The following LSM8 variants were observed in gnomAD, a reference collection of about 807,000 sequenced individuals.
LSM8 encodes the protein LSM8 U6 small nuclear RNA associated.
In LSM8, 14 loss-of-function variants were observed where a neutral mutation model predicts 15.0. The ratio of observed to expected loss-of-function variants is 0.93; its 90% confidence interval spans 0.62 to 1.46. The LOEUF is 1.46. LSM8 is among the 40% of genes most tolerant of loss of function. The pLI is 0.00. For missense variants in LSM8, 90 were observed against 115.4 expected, an observed-to-expected ratio of 0.78 and a Z score of 1.01; for synonymous variants, 50 against 42.1, an observed-to-expected ratio of 1.19 and a Z score of -0.73.
chr7:118,184,305 G>GCGGTCGGGGACCC, intron 1 of LSM8, 51 bp downstream of exon 1: 1 of 1,446,282 alleles, frequency 6.9e-7, no homozygotes, highest in Non-Finnish European at 9.2e-7. Flanking sequence ...CGGAGAGGCC[G>GCGGTCGGGGACCC]CGGTCGGGGA....
rs1227662091 is a variant in LSM8 at position 118,200,080 on chromosome 7, G to A, written c.*8078G>A. Among the ~76,000 whole-genome samples the A allele has an allele frequency of 6.6e-6, 1 of 152,126 alleles. No homozygotes were observed. The highest frequency in any genetic ancestry group is 1.5e-5 in the Non-Finnish European group (1 of 68,008). On this transcript the variant is annotated 3_prime_UTR_variant, in exon 4 of 4. Coordinates refer to ENST00000249299, the MANE Select transcript of LSM8 (RefSeq NM_016200.5). The stretch of plus-strand genomic sequence containing the variant: ...GAAATGCCTTCCCTAAGTGCCAACA[G>A]AGAATGAAAATATAGTCAATAGCTT...
chr7:118,195,584 T>G lies in LSM8; in HGVS notation c.*3582T>G, dbSNP rs1261012106. On this transcript the variant is annotated 3_prime_UTR_variant, in exon 4 of 4. Transcript: ENST00000249299. The stretch of plus-strand genomic sequence containing the variant: ...CAGTATTAAGAAATGTACAATAAAA[T>G]TTGTTTCTATGTCAGCGAATATTCT... 6.6e-6 allele frequency among the ~76,000 whole-genome samples: 1 copy of G among 152,174 alleles called. No homozygotes were observed.
chr7:118,188,744 T>A (rs190135879), intron 3 of LSM8: 1 of 159,094 alleles, frequency 6.3e-6, no homozygotes, highest in African/African-American at 2.4e-5. Context: ...TCTTAAAACG[T>A]TCTTTCAAAT....
In LSM8 at chr7:118,191,963, G is replaced by A; in HGVS notation, c.252G>A (p.Gly84=). ...AAACAGATTCTGCGCTTGATTTGGGGAATATTCGAGCAGAACCTTTAAATT... is the reference window on the plus strand; with the variant it reads ...AAACAGATTCTGCGCTTGATTTGGGAAATATTCGAGCAGAACCTTTAAATT... The part of the protein sequence containing the change: ...DEETDSALDL[G]NIRAEPLNSV... Residue 84 remains glycine (G), a synonymous_variant, in exon 4 of 4, where the codon GGG becomes GGA. Transcript: ENST00000249299. 6.2e-7 allele frequency: 1 copy of A among 1,613,012 alleles called. No individual in the cohort carries two copies. The highest frequency in any genetic ancestry group is 8.5e-7 in the Non-Finnish European group (1 of 1,179,426).
In LSM8 at chr7:118,198,303, G is replaced by C. The variant is rs1291477532; in HGVS notation, c.*6301G>C. Reference sequence around the variant, plus strand: ...TGAGAATATGCCAGAGATCTGAAATGAAGAATGGATAAGAGCTTGCATATT... The same window carrying C: ...TGAGAATATGCCAGAGATCTGAAATCAAGAATGGATAAGAGCTTGCATATT... On this transcript the variant is annotated 3_prime_UTR_variant, in exon 4 of 4. Coordinates refer to ENST00000249299, the MANE Select transcript of LSM8 (RefSeq NM_016200.5). Among the ~76,000 whole-genome samples the C allele has an allele frequency of 6.6e-6, 1 of 152,142 alleles. No individual in the cohort carries two copies. Among genetic ancestry groups the C allele is most frequent in the Non-Finnish European group, 1.5e-5 (1 of 68,028 alleles).
chr7:118,194,476 A>C lies in LSM8; in HGVS notation c.*2474A>C, dbSNP rs1326776035. On this transcript the variant is annotated 3_prime_UTR_variant, in exon 4 of 4. Coordinates refer to ENST00000249299, the MANE Select transcript of LSM8 (RefSeq NM_016200.5). ...CTCACATGCTGACAGTTTTGGCTAAATATTACAAATCTTGATCCCAGAAGA... is the reference window on the plus strand; with the variant it reads ...CTCACATGCTGACAGTTTTGGCTAACTATTACAAATCTTGATCCCAGAAGA... Among the ~76,000 whole-genome samples the C allele has an allele frequency of 6.6e-6, 1 of 152,156 alleles. No individual in the cohort carries two copies. Among genetic ancestry groups the C allele is most frequent in the African/African-American group, 2.4e-5 (1 of 41,442 alleles).
chr7:118,202,182 G>C lies in LSM8; in HGVS notation c.*10180G>C, dbSNP rs1352567301. Among the ~76,000 whole-genome samples, 2 of 152,008 alleles carry C rather than the reference G, an allele frequency of 1.3e-5. No homozygotes were observed. The highest frequency in any genetic ancestry group is 3.8e-4 in the East Asian group (2 of 5,200). ...TTTTTTTGTTTTTGTTTTTGCTTGT[G>C]TCACACATAATGCTGATGAAGAAAC... On this transcript the variant is annotated 3_prime_UTR_variant, in exon 4 of 4. Coordinates refer to ENST00000249299, the MANE Select transcript of LSM8 (RefSeq NM_016200.5).
At chr7:118,189,814 T>G (rs188452997) in intron 3 of LSM8, 1 of 152,178 alleles carries the variant, frequency 6.6e-6, no homozygotes, top group East Asian at 1.9e-4. Flanking sequence ...TGAGCCAAGG[T>G]TGCGCCTTTG....
rs1372071832 is a variant in LSM8, at chr7:118,192,498, T to C, written c.*496T>C. On this transcript the variant is annotated 3_prime_UTR_variant, in exon 4 of 4. Coordinates refer to ENST00000249299, the MANE Select transcript of LSM8 (RefSeq NM_016200.5). ...GCTTCTAAAAGTTGCTCCCTAGCAC[T>C]GAGAGGTGTGGGTAGGTAAAAATGT... 6.6e-6 allele frequency: 1 copy of C among 152,454 alleles called. No individual in the cohort carries two copies. The highest frequency in any genetic ancestry group is 1.5e-5 in the Non-Finnish European group (1 of 68,228). 9.4% of individuals were successfully genotyped at this position (152,454 alleles called of 1,614,324 possible).
At chr7:118,191,889 T>C in intron 3 of LSM8, 23 bp from the exon 4 acceptor site, 1 of 1,549,338 alleles carries the variant, frequency 6.5e-7, no homozygotes, top group Non-Finnish European at 8.9e-7. Context: ...GAAATGTGAT[T>C]GTTTTAACTC....
At position 118,197,421 on chromosome 7, in the gene LSM8, T is replaced by C. The variant is rs1398709989; in HGVS notation, c.*5419T>C. Among the ~76,000 whole-genome samples the C allele has an allele frequency of 1.2e-5, 1 of 86,354 alleles. No homozygotes were observed. Among genetic ancestry groups the C allele is most frequent in the African/African-American group, 4.5e-5 (1 of 22,326 alleles). 56.7% of individuals were successfully genotyped at this position (86,354 alleles called of 152,430 possible). ...TGTTTCTGTTTGATATATGAAAATA[T>C]GCACAAGCTATCATGTTTCATCTCA... On this transcript the variant is annotated 3_prime_UTR_variant, in exon 4 of 4. Coordinates refer to ENST00000249299, the MANE Select transcript of LSM8 (RefSeq NM_016200.5).
At chr7:118,185,431 G>A (rs751531772) in intron 1 of LSM8, 9 of 501,968 alleles carry the variant, frequency 1.8e-5, no homozygotes, top group Middle Eastern at 5.3e-4. Context: ...GGGTAATAGA[G>A]ATGGGGGTAT....
intron 2 of LSM8, among the ~76,000 whole-genome samples, chr7:118,187,932 C>T (rs922512923): frequency 6.6e-6 from 1 of 152,082 alleles, no homozygotes; most frequent in African/African-American, 2.4e-5. Flanking sequence ...TATCATTTTC[C>T]CTTAAATATC....
Position 118,188,156 on chromosome 7 carries a change from A to G in LSM8, c.73-122A>G, listed in dbSNP as rs2302454. 3.6e-3 allele frequency: 3,979 copies of G among 1,115,234 alleles called. 64 individuals carry two copies. The Admixed American group carries it at 0.039, about 11-fold the overall frequency. The allele number at this position is 1,115,234 out of a possible 1,614,324, so 69.1% of individuals were successfully genotyped here. On this transcript the variant is annotated intron_variant, in intron 2 of 3. Transcript: ENST00000249299. Reference sequence around the variant, plus strand: ...CTGTTGGTTATAAAAAAGGCATTTTATTTGCCGTCGTATAGGTACTTGTAT... The same window carrying G: ...CTGTTGGTTATAAAAAAGGCATTTTGTTTGCCGTCGTATAGGTACTTGTAT...
At chr7:118,185,599 A>C (rs1171050965) in intron 1 of LSM8, 55 bp from the exon 2 acceptor site, 3 of 1,431,246 alleles carry the variant, frequency 2.1e-6, no homozygotes, top group Non-Finnish European at 3.0e-6. Context: ...CCCTTGCCAG[A>C]GTCTGTTTTC....
Position 118,203,411 on chromosome 7 carries a change from C to G in LSM8, c.*11409C>G, listed in dbSNP as rs557702296. ...GTCCTAATATCCAATATTAATAGAG[C>G]TGTGATTATTCAAGCTGTAGACTTA... On this transcript the variant is annotated 3_prime_UTR_variant, in exon 4 of 4. Coordinates refer to ENST00000249299, the MANE Select transcript of LSM8 (RefSeq NM_016200.5). Among the ~76,000 whole-genome samples, 1 of 151,592 alleles carries G rather than the reference C, an allele frequency of 6.6e-6. No individual in the cohort carries two copies. The highest frequency in any genetic ancestry group is 2.4e-5 in the African/African-American group (1 of 41,298).
rs888480381 is a variant in LSM8, at chr7:118,198,530, C to A, written c.*6528C>A. ...TTGAAGGCAATATATAAAAGCTTCC[C>A]ATGCATGGCAAAGATGCATTTTCCT... On this transcript the variant is annotated 3_prime_UTR_variant, in exon 4 of 4. Coordinates refer to ENST00000249299, the MANE Select transcript of LSM8 (RefSeq NM_016200.5). Among the ~76,000 whole-genome samples the A allele has an allele frequency of 6.6e-6, 1 of 152,140 alleles. No individual in the cohort carries two copies. Among genetic ancestry groups the A allele is most frequent in the Non-Finnish European group, 1.5e-5 (1 of 68,022 alleles).
chr7:118,198,385 C>G lies in LSM8; in HGVS notation c.*6383C>G, dbSNP rs1809114687. 5.3e-5 allele frequency among the ~76,000 whole-genome samples: 8 copies of G among 152,008 alleles called. No homozygotes were observed. ...GAAGATTGGAAGGATAATTTTAGGT[C>G]AAATGAAATTCTACATTAAAGAAAG... On this transcript the variant is annotated 3_prime_UTR_variant, in exon 4 of 4. Transcript: ENST00000249299.
intron 2 of LSM8, among the ~76,000 whole-genome samples, chr7:118,185,958 C>T (rs919971043): frequency 6.6e-6 from 1 of 152,170 alleles, no homozygotes; most frequent in African/African-American, 2.4e-5. Flanking sequence ...ATTAAACTTA[C>T]TTTTCTTCTT....
Sources: allele counts gnomAD v4.1 joint callset (sites outside exome capture counted in the v4.1 genomes callset), GRCh38; gene constraint gnomAD v4.1.1; transcripts MANE v1.5; gene names NCBI Gene and HGNC (gene_info 2026-07-23, HGNC 2026-07-21).